The following ROBO2 variants were observed in gnomAD, a reference collection of about 807,000 sequenced individuals.
The protein encoded by ROBO2 is roundabout homolog 2.
ROBO2 carries 53 observed loss-of-function variants against 160.8 expected under a neutral mutation model. The observed-to-expected ratio is 0.33, with a 90% confidence interval of 0.26 to 0.41. The LOEUF (loss-of-function observed/expected upper bound fraction) is 0.41, where lower values mean the gene tolerates loss of function less well. Among genes scored for constraint, ROBO2 ranks in the 10% least tolerant of loss-of-function variants. The probability of loss-of-function intolerance (pLI) is 1.00; values close to 1 mark genes in which losing one functional copy is unlikely to be tolerated. For missense variants in ROBO2, 1,577 were observed against 1,722.4 expected (o/e 0.92, Z 1.49); for synonymous variants, 664 against 611.7 (o/e 1.09, Z -1.26).
At chr3:77,109,511 G>A (rs2073291232) in intron 2 of ROBO2, among the ~76,000 whole-genome samples, 1 of 152,176 alleles carries the variant, frequency 6.6e-6, no homozygotes, top group African/African-American at 2.4e-5. Flanking sequence ...TGAGAGTGAG[G>A]GAGGAGGAGT....
intron 2 of ROBO2, among the ~76,000 whole-genome samples, chr3:77,020,036 T>A (rs1003970984): frequency 1.3e-5 from 2 of 152,196 alleles, no homozygotes; most frequent in African/African-American, 4.8e-5. Context: ...GCAGAGCACA[T>A]ACAGAGCCCA....
chr3:76,701,527 A>G (rs760743732), intron 2 of ROBO2, among the ~76,000 whole-genome samples: 2 of 151,988 alleles, frequency 1.3e-5, no homozygotes, highest in Non-Finnish European at 2.9e-5. Context: ...TTTTACTGTT[A>G]TTGATTCATT....
At chr3:77,385,622 T>C (rs1350697541) in intron 2 of ROBO2, among the ~76,000 whole-genome samples, 1 of 152,170 alleles carries the variant, frequency 6.6e-6, no homozygotes, top group Non-Finnish European at 1.5e-5. Context: ...AGAAATCTTT[T>C]ACACCTATTC....
chr3:77,157,475 T>C (rs1278102605), intron 2 of ROBO2, among the ~76,000 whole-genome samples: 1 of 152,014 alleles, frequency 6.6e-6, no homozygotes, highest in East Asian at 1.9e-4. Flanking sequence ...TTATAAAAAG[T>C]TTATGCTCGG....
intron 2 of ROBO2, among the ~76,000 whole-genome samples, chr3:76,128,479 A>G (rs1203080901): frequency 1.3e-5 from 2 of 152,096 alleles, no homozygotes; most frequent in African/African-American, 4.8e-5. Flanking sequence ...TTCAAAAGCT[A>G]CTTTGGGGAA....
rs141289305 is a variant in ROBO2, at chr3:76,754,737, A to G, written c.110-343277A>G. Reference sequence around the variant, plus strand: ...GGTTATTGCTAATAACATACTTGAGATAGCTGAATTTGAGACTCATTATTA... The same window carrying G: ...GGTTATTGCTAATAACATACTTGAGGTAGCTGAATTTGAGACTCATTATTA... On this transcript the variant is annotated intron_variant, in intron 2 of 26. Transcript: ENST00000487694. Among the ~76,000 whole-genome samples, 689 of 152,008 alleles carry G rather than the reference A, an allele frequency of 4.5e-3. 5 individuals carry two copies. Among genetic ancestry groups the G allele is most frequent in the African/African-American group, 0.016 (660 of 41,528 alleles).
At chr3:76,194,374 A>G (rs1218099704) in intron 2 of ROBO2, among the ~76,000 whole-genome samples, 3 of 142,670 alleles carry the variant, frequency 2.1e-5, no homozygotes, top group Non-Finnish European at 3.1e-5. Context: ...ATATATATAT[A>G]TATATATATA....
At chr3:77,099,462 A>G (rs764072521) in intron 2 of ROBO2, among the ~76,000 whole-genome samples, 1 of 152,166 alleles carries the variant, frequency 6.6e-6, no homozygotes, top group African/African-American at 2.4e-5. Flanking sequence ...CCTAAGACCC[A>G]TATTTTTTAT....
At chr3:76,527,333 A>T (rs920789562) in intron 2 of ROBO2, among the ~76,000 whole-genome samples, 16 of 152,152 alleles carry the variant, frequency 1.1e-4, no homozygotes, top group South Asian at 2.1e-4. Flanking sequence ...AGTGCAAGGG[A>T]TCTTATGGAT....
intron 2 of ROBO2, among the ~76,000 whole-genome samples, chr3:77,140,985 C>T (rs767122143): frequency 5.3e-5 from 8 of 152,112 alleles, no homozygotes; most frequent in Non-Finnish European, 8.8e-5. Flanking sequence ...TAGTGAGTTA[C>T]TTACAAGTAT....
chr3:76,819,142 A>G (rs2065916264), intron 2 of ROBO2, among the ~76,000 whole-genome samples: 1 of 152,236 alleles, frequency 6.6e-6, no homozygotes, highest in East Asian at 1.9e-4. Context: ...AGCCCAATAG[A>G]TAAACAAGTG....
chr3:76,795,082 A>C (rs2108773431), intron 2 of ROBO2, among the ~76,000 whole-genome samples: 1 of 152,214 alleles, frequency 6.6e-6, no homozygotes, highest in East Asian at 1.9e-4. Flanking sequence ...GTGCAATACC[A>C]TTATGTCTAA....
chr3:76,760,095 G>C (rs2061216372), intron 2 of ROBO2, among the ~76,000 whole-genome samples: 1 of 151,682 alleles, frequency 6.6e-6, no homozygotes, highest in Admixed American at 6.6e-5. Flanking sequence ...AAGGCACAAG[G>C]GAAAAGAGAC....
intron 2 of ROBO2, among the ~76,000 whole-genome samples, chr3:75,996,566 A>G (rs2065731209): frequency 6.6e-6 from 1 of 152,194 alleles, no homozygotes; most frequent in Admixed American, 6.5e-5. Flanking sequence ...ATCCTCATAC[A>G]TCCATTCATT....
intron 2 of ROBO2, among the ~76,000 whole-genome samples, chr3:76,953,073 C>G (rs2079051004): frequency 6.6e-6 from 1 of 152,014 alleles, no homozygotes. Context: ...AAATTAAAAG[C>G]TAATGTTGTC....
intron 2 of ROBO2, among the ~76,000 whole-genome samples, chr3:76,441,343 A>G (rs2076918340): frequency 6.6e-6 from 1 of 152,224 alleles, no homozygotes. Context: ...AACTACTTGA[A>G]GTGGAAATGG....
intron 2 of ROBO2, among the ~76,000 whole-genome samples, chr3:76,667,125 T>G (rs1324624136): frequency 6.6e-6 from 1 of 152,116 alleles, no homozygotes; most frequent in Non-Finnish European, 1.5e-5. Flanking sequence ...TGCTTCTTAA[T>G]AGCATAAAAA....
At chr3:76,098,732 A>G (rs2108147674) in intron 2 of ROBO2, among the ~76,000 whole-genome samples, 1 of 152,276 alleles carries the variant, frequency 6.6e-6, no homozygotes, top group Non-Finnish European at 1.5e-5. Flanking sequence ...ATGGTGTAAG[A>G]GGTAATAACT....
rs17014413 is a variant in ROBO2 at position 76,579,402 on chromosome 3, T to C, written c.110-518612T>C. On this transcript the variant is annotated intron_variant, in intron 2 of 26. Transcript: ENST00000487694. ...TTTTATTTTTTATTTACTCTTTCTC[T>C]TCTTAAACTGTAAGTACCATGAAGT... Among the ~76,000 whole-genome samples the C allele has an allele frequency of 8.5e-3, 1,295 of 152,292 alleles. 19 individuals carry two copies. Among genetic ancestry groups the C allele is most frequent in the African/African-American group, 0.029 (1,193 of 41,564 alleles).
Sources: allele counts gnomAD v4.1 joint callset (sites outside exome capture counted in the v4.1 genomes callset), GRCh38; gene constraint gnomAD v4.1.1; transcripts MANE v1.5; gene names NCBI Gene and HGNC (gene_info 2026-07-23, HGNC 2026-07-21).